ARHGAP45: variants seen among roughly 807,000 people sequenced by gnomAD.
ARHGAP45 encodes Rho GTPase activating protein 45, also known as rho GTPase-activating protein 45.
In ARHGAP45, 56 loss-of-function variants were observed where a neutral mutation model predicts 116.1. The ratio of observed to expected loss-of-function variants is 0.48; its 90% CI spans 0.39 to 0.60. The LOEUF is 0.60. Among genes scored for constraint, ARHGAP45 ranks in the 20% least tolerant of loss-of-function variants. The pLI is 0.00. For synonymous variants in ARHGAP45, 866 were observed against 701.7 expected, an observed-to-expected ratio of 1.23 and a Z score of -3.70; for missense variants, 1,622 against 1,601.0, an observed-to-expected ratio of 1.01 and a Z score of -0.22.
intron 10 of ARHGAP45, among the ~76,000 whole-genome samples, chr19:1,076,483 C>CTTTTTTTTTTTTTTT (rs71174343): frequency 3.1e-5 from 2 of 64,962 alleles, no homozygotes; most frequent in African/African-American, 1.2e-4. Context: ...TGGCAGTAGT[C>CTTTTTTTTTTTTTTT]TTTTTTTTTT....
chr19:1,078,110 TTTA>T, intron 11 of ARHGAP45, 65 bp downstream of exon 11: 1 of 1,501,472 alleles, frequency 6.7e-7, no homozygotes, highest in Admixed American at 2.2e-5. Context: ...TGGTGTGACA[TTTA>T]CTACCTCCAG....
chr19:1,085,702 A>C lies in ARHGAP45; in HGVS notation c.3107A>C (p.Glu1036Ala), dbSNP rs756651645. 49 of 1,599,856 alleles carry C rather than the reference A, an allele frequency of 3.1e-5. No homozygotes were observed. The highest frequency in any genetic ancestry group is 9.0e-5 in the East Asian group (4 of 44,534). ...AACGATTCGGACTCGGACCTAGAGG[A>C]GGCCTCCGAGCTGCTGTCCTCATCG... ...VSNDSDSDLEEASELLSSSEA... is the reference protein window; with the variant it reads ...VSNDSDSDLEAASELLSSSEA... The change falls in exon 23 of 23, where the codon GAG (glutamate) becomes GCG (alanine). Residue 1036 changes from glutamate to alanine, a missense_variant. Around this residue, in one of 3 missense-constraint regions of ARHGAP45, gnomAD observed 1,334 missense variants for 1,263.8 expected, o/e 1.06. Coordinates refer to ENST00000313093, the MANE Select transcript of ARHGAP45 (RefSeq NM_012292.5).
chr19:1,085,529 C>CCCATCTCTCCTGTCTCT (rs2043591927), intron 22 of ARHGAP45, 131 bp from the exon 23 acceptor site: 3 of 643,594 alleles, frequency 4.7e-6, no homozygotes, highest in South Asian at 4.0e-5. Context: ...CCTGTCTCTC[C>CCCATCTCTCCTGTCTCT]CCATCTCTCC....
rs1269938207 is a variant in ARHGAP45 at position 1,071,737 on chromosome 19, G to C, written c.422-1412G>C. 1 of 152,144 alleles carries C rather than the reference G, an allele frequency of 6.6e-6. No individual in the cohort carries two copies. The allele number at this position is 152,144 out of a possible 1,614,324, so 9.4% of individuals were successfully genotyped here. ...GTCCGGGGTCTCAGGCCCGGCGGCGGCCAGCGGGGTATCTCTGGCGGGTGA... is the reference window on the plus strand; with the variant it reads ...GTCCGGGGTCTCAGGCCCGGCGGCGCCCAGCGGGGTATCTCTGGCGGGTGA... On this transcript the variant is annotated intron_variant, in intron 2 of 22. Transcript: ENST00000313093. This position sits in a 1 kb window ranked among gnomAD's most constrained non-coding sequence, Gnocchi z 4.6.
At chr19:1,067,686 G>A (rs1291329004) in intron 1 of ARHGAP45, 191 bp downstream of exon 1, 2 of 713,912 alleles carry the variant, frequency 2.8e-6, no homozygotes, top group African/African-American at 1.7e-5. Flanking sequence ...TAGGGACCCT[G>A]GGAGTGGTGG....
chr19:1,080,429 C>T (rs761537444), intron 14 of ARHGAP45, 35 bp from the exon 15 acceptor site: 37 of 1,611,658 alleles, frequency 2.3e-5, no homozygotes, highest in East Asian at 4.5e-5. Context: ...CTGCGACCCA[C>T]CCTGGCCCTT....
chr19:1,067,555 G>A (rs1165122126), intron 1 of ARHGAP45, 60 bp downstream of exon 1: 3 of 1,446,294 alleles, frequency 2.1e-6, no homozygotes, highest in African/African-American at 1.4e-5. Flanking sequence ...ACAGGGACCC[G>A]CCCTGTGCTC....
intron 2 of ARHGAP45, among the ~76,000 whole-genome samples, chr19:1,072,230 T>C (rs1425685088): frequency 2.6e-5 from 4 of 151,682 alleles, no homozygotes; most frequent in African/African-American, 9.7e-5. Context: ...CTGCTACTTT[T>C]TGTATTTTTA....
In ARHGAP45 at chr19:1,083,011, G is replaced by A; in HGVS notation, c.2689G>A (p.Asp897Asn). 6.5e-7 allele frequency: 1 copy of A among 1,545,430 alleles called. No individual in the cohort carries two copies. The highest frequency in any genetic ancestry group is 1.2e-5 in the South Asian group (1 of 84,984). ...AGGTCGGCTGCGGGAGCTCCTGCGG[G>A]ACCTGCCGCCTGAGAACCGGGCCTC... ...LAGRLRELLR[D>N]LPPENRASLQ... The change falls in exon 20 of 23, where the codon GAC becomes AAC. Residue 897 changes from aspartate to asparagine, a missense_variant. By Grantham distance (23) the Asp-to-Asn change is conservative (BLOSUM62 1). Coordinates refer to ENST00000313093, the MANE Select transcript of ARHGAP45 (RefSeq NM_012292.5).
At chr19:1,067,023 C>A (rs2043044687), upstream of ARHGAP45, 6 of 249,808 alleles carry the variant, frequency 2.4e-5, 1 homozygote, top group South Asian at 7.3e-4. Context: ...CAGCGCCCTG[C>A]AGTCGGCCGC....
chr19:1,079,222 T>C (rs1255028444), intron 11 of ARHGAP45, among the ~76,000 whole-genome samples: 1 of 147,782 alleles, frequency 6.8e-6, no homozygotes, highest in Admixed American at 6.7e-5. Flanking sequence ...GGTCTCAGGC[T>C]GAGTGTGGTG....
In ARHGAP45 at chr19:1,067,236, C is replaced by A. The variant is rs919391420; in HGVS notation, c.-170C>A. 7.4e-7 allele frequency: 1 copy of A among 1,342,538 alleles called. No homozygotes were observed. Among genetic ancestry groups the A allele is most frequent in the Non-Finnish European group, 9.5e-7 (1 of 1,053,908 alleles). 83.2% of individuals were successfully genotyped at this position (1,342,538 alleles called of 1,614,324 possible). On this transcript the variant is annotated 5_prime_UTR_variant, in exon 1 of 23. Coordinates refer to ENST00000313093, the MANE Select transcript of ARHGAP45 (RefSeq NM_012292.5). The stretch of plus-strand genomic sequence containing the variant: ...GGCCGCGTCGCCGCCTCCCCGAAGC[C>A]TTTTCCTGTTGGGGGGAGGGCCCGC...
intron 10 of ARHGAP45, chr19:1,077,050 T>A: frequency 1.0e-6 from 1 of 983,952 alleles, no homozygotes; most frequent in Non-Finnish European, 1.2e-6. Flanking sequence ...ATTGGATGAG[T>A]CCGTTTGTTT....
chr19:1,085,864 A>ACGGGGACGG lies in ARHGAP45; in HGVS notation c.3269_3270insCGGGGACGG (p.Glu1090delinsAspGlyAspGly). The ACGGGGACGG allele has an allele frequency of 6.2e-7, 1 of 1,609,124 alleles. No homozygotes were observed. On this transcript the variant is annotated protein_altering_variant, in exon 23 of 23. Coordinates refer to ENST00000313093, the MANE Select transcript of ARHGAP45 (RefSeq NM_012292.5). Reference sequence around the variant, plus strand: ...GCCCGGGAGGACGGGGACGGGGACGAGGACGGCCCGGCCCAGCAGCTCTCA... The same window carrying ACGGGGACGG: ...GCCCGGGAGGACGGGGACGGGGACGACGGGGACGGGGACGGCCCGGCCCAGCAGCTCTCA...
chr19:1,078,020 G>A lies in ARHGAP45; in HGVS notation c.1349G>A (p.Arg450Gln), dbSNP rs759588235. Residue 450 changes from arginine to glutamine, a missense_variant, in exon 11 of 23, where the codon CGG becomes CAG. Arg to Gln is a conservative substitution (Grantham distance 43). Coordinates refer to ENST00000313093, the MANE Select transcript of ARHGAP45 (RefSeq NM_012292.5). Reference protein sequence around the residue: ...TATKTLDKRRRLEEEAKNKAE... With the variant: ...TATKTLDKRRQLEEEAKNKAE... The stretch of plus-strand genomic sequence containing the variant: ...ACCAAGACCCTGGACAAGCGGCGGC[G>A]GCTGGAGGAGGAGGCCAAGAACAAG... 7 of 1,552,880 alleles carry A rather than the reference G, an allele frequency of 4.5e-6. No individual in the cohort carries two copies. The highest frequency in any genetic ancestry group is 5.2e-6 in the Non-Finnish European group (6 of 1,146,572).
chr19:1,080,469 C>T lies in ARHGAP45; in HGVS notation c.1834C>T (p.Arg612Ter), dbSNP rs2043399308. 1 of 1,612,790 alleles carries T rather than the reference C, an allele frequency of 6.2e-7. No homozygotes were observed. Among genetic ancestry groups the T allele is most frequent in the Non-Finnish European group, 8.5e-7 (1 of 1,179,944 alleles). Residue 612 changes from arginine to a stop codon, truncating the protein, a stop_gained, in exon 15 of 23, where the codon CGA (arginine) becomes TGA (stop). Transcript: ENST00000313093. LOFTEE classifies it high-confidence loss of function. ...GTPAKDHRAG[R>*]GHQVHKSWPL... is the part of the protein sequence containing the mutation. ...AGAGACGCCTCTTTCTCCAGCCGGG[C>T]GAGGACACCAGGTTCACAAGTCATG...
rs754560435 is a variant in ARHGAP45, at chr19:1,083,180, G to A, written c.2782G>A (p.Gly928Arg). Residue 928 changes from glycine (G) to arginine (R), a missense_variant, in exon 21 of 23, where the codon GGG becomes AGG. Transcript: ENST00000313093. ...GGAGCAGGACAACAAGATGACCCCC[G>A]GGAACCTGGGCATCGTGTTCGGGCC... The part of the protein sequence containing the change: ...EVEQDNKMTP[G>R]NLGIVFGPTL... 1.9e-6 allele frequency: 3 copies of A among 1,610,846 alleles called. No individual in the cohort carries two copies. Among genetic ancestry groups the A allele is most frequent in the African/African-American group, 1.3e-5 (1 of 74,896 alleles).
rs764418195 is a variant in ARHGAP45, at chr19:1,074,729, G to T, written c.1104+5G>T. On this transcript the variant is annotated splice_donor_5th_base_variant and intron_variant, in intron 9 of 22. Transcript: ENST00000313093. Reference sequence around the variant, plus strand: ...CAGACCCAGACCTTCATGCAGGTGCGTGGTGCCCGGGAGGGCGGGCTGGGC... The same window carrying T: ...CAGACCCAGACCTTCATGCAGGTGCTTGGTGCCCGGGAGGGCGGGCTGGGC... The T allele has an allele frequency of 8.7e-6, 14 of 1,604,418 alleles. No homozygotes were observed. Among genetic ancestry groups the T allele is most frequent in the Non-Finnish European group, 1.1e-5 (13 of 1,176,732 alleles).
intron 5 of ARHGAP45, 67 bp from the exon 6 acceptor site, chr19:1,073,881 C>G (rs1367461662): frequency 2.6e-6 from 4 of 1,530,634 alleles, no homozygotes; most frequent in Non-Finnish European, 3.5e-6. Flanking sequence ...AGCAACCGTC[C>G]CCTGAAGGGT....
Sources: gnomAD v4.1 joint callset for allele counts (sites outside exome capture counted in the v4.1 genomes callset) on GRCh38, gnomAD v4.1.1 for gene constraint, gnomAD v4.1.1 regional missense constraint, Gnocchi (gnomAD v3.1) non-coding constraint, MANE v1.5 for transcripts, NCBI Gene and HGNC (gene_info 2026-07-23, HGNC 2026-07-21) for gene names.